The following TUBGCP2 variants were observed in gnomAD, a reference collection of about 807,000 sequenced individuals.
TUBGCP2 encodes tubulin gamma complex component 2.
In TUBGCP2, 55 loss-of-function variants were observed where a neutral mutation model predicts 92.2. The ratio of observed to expected loss-of-function variants is 0.60; its 90% CI spans 0.48 to 0.75. The LOEUF (loss-of-function observed/expected upper bound fraction) is 0.75, where lower values mean the gene tolerates loss of function less well. TUBGCP2 is among the 30% of genes least tolerant of loss of function. The pLI, the probability that TUBGCP2 is intolerant of heterozygous loss-of-function variation, is 0.00. For missense variants in TUBGCP2, 1,093 were observed against 1,188.9 expected, an observed-to-expected ratio of 0.92 and a Z score of 1.19; for synonymous variants, 533 against 505.2, an observed-to-expected ratio of 1.06 and a Z score of -0.74.
intron 9 of TUBGCP2, 30 bp from the exon 10 acceptor site, chr10:133,289,050 C>T (rs1443006346): frequency 6.2e-7 from 1 of 1,600,628 alleles, no homozygotes; most frequent in Non-Finnish European, 8.5e-7. Flanking sequence ...AAATTTTATT[C>T]TCCACATGGT....
intron 6 of TUBGCP2, 48 bp downstream of exon 6, chr10:133,293,514 C>A (rs777231691): frequency 2.2e-4 from 338 of 1,537,432 alleles, no homozygotes; most frequent in Non-Finnish European, 5.4e-5. Context: ...GGACCTAACC[C>A]CTCCCCCACA....
upstream of TUBGCP2, chr10:133,308,879 G>C (rs1004580983): frequency 2.5e-6 from 3 of 1,194,086 alleles, no homozygotes; most frequent in African/African-American, 4.8e-5. Context: ...AAGTGAGCGT[G>C]ACGTCACGTC....
At position 133,302,801 on chromosome 10, in the gene TUBGCP2, G is replaced by A. The variant is rs780550742; in HGVS notation, c.141C>T (p.His47=). The A allele has an allele frequency of 1.9e-6, 3 of 1,612,622 alleles. No homozygotes were observed. ...CAAGGGCAGTGCTCACCTTGGCACT[G>A]TGAGCAGAGACAGTGGTAGTGACGT... ...TPYVTTTVSA[H]SAKVKIAEFS... The change falls in exon 2 of 18, where the codon CAC becomes CAT. Residue 47 remains histidine (H), a synonymous_variant. Transcript: ENST00000252936.
chr10:133,312,067 C>T, upstream of TUBGCP2: 1 of 1,468,342 alleles, frequency 6.8e-7, no homozygotes, highest in South Asian at 1.4e-5. Context: ...GCAGGAATGC[C>T]AAGCACCACT....
intron 1 of TUBGCP2, among the ~76,000 whole-genome samples, chr10:133,307,840 A>T (rs914241407): frequency 6.6e-6 from 1 of 152,210 alleles, no homozygotes; most frequent in African/African-American, 2.4e-5. Context: ...CCTACAATGC[A>T]CCTAAACCAC....
In TUBGCP2 at chr10:133,294,955, G is replaced by A. The variant is rs746693139; in HGVS notation, c.617-1186C>T. ...CCTAAAGGAGTGGGTGTGGCTTGGC[G>A]TTTTGGGAACAGCGAGTGCATCTTC... On this transcript the variant is annotated intron_variant, in intron 5 of 17. Transcript: ENST00000252936. Among the ~76,000 whole-genome samples the A allele has an allele frequency of 4.6e-5, 7 of 152,308 alleles. No homozygotes were observed. In the East Asian group the frequency reaches 9.6e-4, roughly 21 times the overall value.
rs1330251965 is a variant in TUBGCP2 at position 133,299,413 on chromosome 10, C to T, written c.456+14G>A. 1 of 1,580,032 alleles carries T rather than the reference C, an allele frequency of 6.3e-7. No individual in the cohort carries two copies. The highest frequency in any genetic ancestry group is 8.6e-7 in the Non-Finnish European group (1 of 1,166,422). ...CTGCAGCATGGAGCCTGTGGACAGC[C>T]ATGGACGCAGTACCTGCTGCAGCGT... On this transcript the variant is annotated intron_variant, in intron 4 of 17. Coordinates refer to ENST00000252936, the MANE Select transcript of TUBGCP2 (RefSeq NM_006659.4).
intron 4 of TUBGCP2, among the ~76,000 whole-genome samples, chr10:133,298,439 G>T (rs550032877): frequency 3.9e-5 from 6 of 152,390 alleles, no homozygotes; most frequent in South Asian, 4.1e-4. Context: ...TGTTTCAAAG[G>T]AGGGCGCCCT....
chr10:133,286,703 T>A (rs1365946220), intron 11 of TUBGCP2, among the ~76,000 whole-genome samples: 483 of 152,310 alleles, frequency 3.2e-3, no homozygotes, highest in African/African-American at 0.01. Flanking sequence ...GTCTGTTCTC[T>A]AACAAGGAGA....
intron 11 of TUBGCP2, among the ~76,000 whole-genome samples, chr10:133,287,206 G>C (rs1362041260): frequency 6.6e-6 from 1 of 152,214 alleles, no homozygotes; most frequent in Non-Finnish European, 1.5e-5. Flanking sequence ...AGCCGACCAA[G>C]AGGAAAGGGA....
chr10:133,308,916 C>T (rs1209947679), upstream of TUBGCP2: 3 of 1,212,446 alleles, frequency 2.5e-6, no homozygotes, highest in African/African-American at 3.2e-5. Context: ...CGGTGGCCGA[C>T]AGGCTGCGCC....
At chr10:133,305,676 G>A (rs537470263) in intron 1 of TUBGCP2, among the ~76,000 whole-genome samples, 6 of 152,240 alleles carry the variant, frequency 3.9e-5, no homozygotes, top group South Asian at 2.1e-4. Flanking sequence ...ACTCGACACC[G>A]AGATTCTAAT....
At chr10:133,290,083 A>G (rs1230140525) in intron 8 of TUBGCP2, 114 bp from the exon 9 acceptor site, 1 of 1,418,698 alleles carries the variant, frequency 7.0e-7, no homozygotes, top group Non-Finnish European at 9.7e-7. Flanking sequence ...CACACTTCCA[A>G]GTAACGTTCC....
Position 133,300,098 on chromosome 10 carries a change from ACT to A in TUBGCP2, c.164_165del (p.Glu55ValfsTer13), listed in dbSNP as rs1564772687. On this transcript the variant is annotated frameshift_variant, in exon 3 of 18. Transcript: ENST00000252936. LOFTEE classifies it high-confidence loss of function. ...SAHSAKVKIA[E>X]FSRTPEDFLK... ...AGAAAGTCTTCTGGAGTACGAGAAA[ACT>A]CTGCAATTTTAACCTCAAAAGCACA... The A allele has an allele frequency of 8.7e-6, 14 of 1,613,220 alleles. No individual in the cohort carries two copies. The highest frequency in any genetic ancestry group is 8.5e-6 in the Non-Finnish European group (10 of 1,179,588).
At chr10:133,282,874 C>A (rs1008241604) in intron 15 of TUBGCP2, among the ~76,000 whole-genome samples, 6 of 152,232 alleles carry the variant, frequency 3.9e-5, no homozygotes, top group Non-Finnish European at 8.8e-5. Flanking sequence ...AGGAACACAG[C>A]CCTGCCCACG....
rs893079764 is a variant in TUBGCP2 at position 133,285,739 on chromosome 10, C to T, written c.1723-111G>A. 13 of 1,051,114 alleles carry T rather than the reference C, an allele frequency of 1.2e-5. No individual in the cohort carries two copies. In the African/African-American group the frequency reaches 1.6e-4, roughly 13 times the overall value. 65.1% of individuals were successfully genotyped at this position (1,051,114 alleles called of 1,614,324 possible). ...CCCAGCGCTGACGTAAGGTTCCCTA[C>T]ATTCCGATTCTAAATATCAGAGGCT... On this transcript the variant is annotated intron_variant, in intron 11 of 17. Transcript: ENST00000252936. The surrounding 1 kb of genome is among the most constrained non-coding windows in gnomAD (Gnocchi z 6.8).
chr10:133,298,243 C>T (rs1847537558), intron 4 of TUBGCP2, 132 bp from the exon 5 acceptor site: 1 of 1,010,928 alleles, frequency 9.9e-7, no homozygotes, highest in Non-Finnish European at 1.4e-6. Context: ...AAGGGTCAAC[C>T]ACATAGAAAT....
Position 133,283,929 on chromosome 10 carries a change from C to T in TUBGCP2, c.2098G>A (p.Glu700Lys), listed in dbSNP as rs771226552. ...ATGTGCCAGGTCGGTTCCATCACTT[C>T]AAACATCATGTAGTATTGAATATTC... ...VQNIQYYMMF[E>K]VMEPTWHILE... The change falls in exon 14 of 18, where the codon GAA becomes AAA. Residue 700 changes from glutamate (E) to lysine (K), a missense_variant. Transcript: ENST00000252936. 8.7e-6 allele frequency: 14 copies of T among 1,614,168 alleles called. No individual in the cohort carries two copies. Among genetic ancestry groups the T allele is most frequent in the South Asian group, 2.2e-5 (2 of 91,088 alleles).
chr10:133,292,979 G>C, intron 7 of TUBGCP2, 60 bp downstream of exon 7: 1 of 1,570,686 alleles, frequency 6.4e-7, no homozygotes. Context: ...CCTCACACTG[G>C]GTGCCATGTT....
Sources: allele counts gnomAD v4.1 joint callset (sites outside exome capture counted in the v4.1 genomes callset), GRCh38; gene constraint gnomAD v4.1.1; non-coding constraint Gnocchi (gnomAD v3.1); transcripts MANE v1.5; gene names NCBI Gene and HGNC (gene_info 2026-07-23, HGNC 2026-07-21).